GNAQ: variants seen among roughly 807,000 people sequenced by gnomAD.
The protein encoded by GNAQ is G protein subunit alpha q.
Under a neutral mutation model 43.9 loss-of-function variants are expected in GNAQ, and 8 were observed. The ratio of observed to expected loss-of-function variants is 0.18; its 90% CI spans 0.11 to 0.33. GNAQ has a LOEUF of 0.33. Among genes scored for constraint, GNAQ ranks in the 10% least tolerant of loss-of-function variants. The probability of loss-of-function intolerance (pLI) is 1.00; values close to 1 mark genes in which losing one functional copy is unlikely to be tolerated. For missense variants in GNAQ, 158 were observed against 450.8 expected, an observed-to-expected ratio of 0.35 and a Z score of 5.88; for synonymous variants, 155 against 170.7, an observed-to-expected ratio of 0.91 and a Z score of 0.71.
At chr9:77,801,884 G>A (rs1826748838) in intron 3 of GNAQ, among the ~76,000 whole-genome samples, 1 of 152,032 alleles carries the variant, frequency 6.6e-6, no homozygotes, top group Non-Finnish European at 1.5e-5. Context: ...GACCACGAAC[G>A]ACATTTTTGG....
At chr9:77,952,317 T>C (rs1469994696) in intron 1 of GNAQ, among the ~76,000 whole-genome samples, 1 of 152,196 alleles carries the variant, frequency 6.6e-6, no homozygotes, top group Non-Finnish European at 1.5e-5. Flanking sequence ...GAAATCTTTT[T>C]AATTTTACCT....
At chr9:77,863,179 A>AAAGGAAGGAAGGAAGG (rs750178023) in intron 2 of GNAQ, among the ~76,000 whole-genome samples, 16,978 of 129,832 alleles carry the variant, frequency 0.13, 1,495 homozygotes, top group Middle Eastern at 0.19. Context: ...CGTATGAAAG[A>AAAGGAAGGAAGGAAGG]AAGGAAGGAA....
chr9:77,906,101 A>T (rs543538373), intron 2 of GNAQ, among the ~76,000 whole-genome samples: 23 of 152,282 alleles, frequency 1.5e-4, no homozygotes, highest in East Asian at 9.6e-4. Flanking sequence ...GTTAAAAAAA[A>T]AATAATTTCT....
At chr9:77,850,126 C>G (rs908855293) in intron 2 of GNAQ, among the ~76,000 whole-genome samples, 2 of 152,258 alleles carry the variant, frequency 1.3e-5, no homozygotes, top group African/African-American at 4.8e-5. Flanking sequence ...CTGATGGCCG[C>G]AGGCCCCTTC....
chr9:77,896,516 T>A (rs1303495300), intron 2 of GNAQ, among the ~76,000 whole-genome samples: 1 of 152,176 alleles, frequency 6.6e-6, no homozygotes, highest in Non-Finnish European at 1.5e-5. Flanking sequence ...ATAAAAACTT[T>A]TTTTATACAA....
intron 5 of GNAQ, among the ~76,000 whole-genome samples, chr9:77,750,118 T>A (rs964335366): frequency 7.0e-6 from 1 of 142,884 alleles, no homozygotes; most frequent in African/African-American, 3.0e-5. Flanking sequence ...GGTACATCTT[T>A]AAAAAATATT....
chr9:77,737,824 C>G (rs992948362), intron 5 of GNAQ, among the ~76,000 whole-genome samples: 7 of 152,202 alleles, frequency 4.6e-5, no homozygotes, highest in African/African-American at 1.2e-4. Flanking sequence ...CTTGGCTGAA[C>G]AGGCATCTGT....
chr9:77,731,026 C>T (rs1253194877), intron 5 of GNAQ, among the ~76,000 whole-genome samples: 1 of 152,170 alleles, frequency 6.6e-6, no homozygotes, highest in Non-Finnish European at 1.5e-5. Context: ...GGAGCCCCAT[C>T]TAAAGAGGTA....
intron 2 of GNAQ, among the ~76,000 whole-genome samples, chr9:77,890,978 G>A (rs973802502): frequency 1.3e-5 from 2 of 152,138 alleles, no homozygotes; most frequent in Non-Finnish European, 2.9e-5. Flanking sequence ...AGGAGTAGGA[G>A]AAGGAAGAAA....
At chr9:77,813,977 G>C (rs953054830) in intron 3 of GNAQ, among the ~76,000 whole-genome samples, 1 of 152,192 alleles carries the variant, frequency 6.6e-6, no homozygotes. Context: ...GGAGTTAAGA[G>C]AGAGCCAGAG....
intron 1 of GNAQ, among the ~76,000 whole-genome samples, chr9:77,963,891 C>T (rs1225965140): frequency 6.6e-6 from 1 of 151,858 alleles, no homozygotes; most frequent in African/African-American, 2.4e-5. Context: ...TTTTTGTTTT[C>T]TAATCTTAAA....
chr9:77,856,297 T>C (rs1209386099), intron 2 of GNAQ, among the ~76,000 whole-genome samples: 1 of 152,160 alleles, frequency 6.6e-6, no homozygotes, highest in Non-Finnish European at 1.5e-5. Flanking sequence ...CCAAGTGCAA[T>C]ACCCCAGAGC....
chr9:77,919,073 C>T (rs1305215522), intron 2 of GNAQ, among the ~76,000 whole-genome samples: 1 of 152,114 alleles, frequency 6.6e-6, no homozygotes, highest in Non-Finnish European at 1.5e-5. Context: ...GCATGTGCCA[C>T]CACGCCTGGC....
intron 1 of GNAQ, among the ~76,000 whole-genome samples, chr9:77,926,687 G>A (rs1414197700): frequency 1.3e-5 from 2 of 152,144 alleles, no homozygotes. Context: ...ACACAAGGGT[G>A]TGAGTCCCAG....
chr9:77,881,782 T>C (rs1008998465), intron 2 of GNAQ, among the ~76,000 whole-genome samples: 3 of 152,190 alleles, frequency 2.0e-5, no homozygotes, highest in Non-Finnish European at 2.9e-5. Flanking sequence ...TAACCAAAGG[T>C]GTACAGAGGA....
intron 4 of GNAQ, among the ~76,000 whole-genome samples, chr9:77,795,022 T>A (rs1299739438): frequency 1.3e-5 from 2 of 152,178 alleles, no homozygotes; most frequent in Admixed American, 1.3e-4. Flanking sequence ...TAGATATGAC[T>A]ACAAGTATAC....
chr9:77,965,445 G>A (rs10869996), intron 1 of GNAQ, among the ~76,000 whole-genome samples: 33,643 of 151,896 alleles, frequency 0.22, 3,910 homozygotes, highest in South Asian at 0.39. Context: ...CAGACAAGGA[G>A]AAAATACTTG....
intron 1 of GNAQ, among the ~76,000 whole-genome samples, chr9:78,007,534 T>C (rs902312546): frequency 9.2e-5 from 14 of 152,152 alleles, no homozygotes; most frequent in African/African-American, 3.4e-4. Flanking sequence ...CTGAAAAAAG[T>C]ACTCACATAG....
chr9:77,996,677 C>CAAAAAAAAAAAAAAAAAAAAAAAAA (rs3083223), intron 1 of GNAQ, among the ~76,000 whole-genome samples: 4 of 105,582 alleles, frequency 3.8e-5, no homozygotes, highest in Non-Finnish European at 5.7e-5. Context: ...GACTCCATCT[C>CAAAAAAAAAAAAAAAAAAAAAAAAA]AAAAAAAAAA....
Sources: allele counts gnomAD v4.1 joint callset (sites outside exome capture counted in the v4.1 genomes callset), GRCh38; gene constraint gnomAD v4.1.1; transcripts MANE v1.5; gene names NCBI Gene and HGNC (gene_info 2026-07-23, HGNC 2026-07-21).